The following CRPPA variants were observed in gnomAD, a reference collection of about 807,000 sequenced individuals.
The protein encoded by CRPPA is D-ribitol-5-phosphate cytidylyltransferase.
A neutral mutation model predicts 52.0 loss-of-function variants in CRPPA; 43 were observed. That is an observed-to-expected ratio of 0.83 (90% CI 0.65 to 1.07). The LOEUF (loss-of-function observed/expected upper bound fraction) is 1.07. Ranked by LOEUF, CRPPA falls within the 50% of genes least tolerant of loss-of-function variation. CRPPA has a pLI of 0.00. For synonymous variants in CRPPA, 250 were observed against 203.5 expected (o/e 1.23, Z -1.94); for missense variants, 629 against 551.7 (o/e 1.14, Z -1.40).
intron 8 of CRPPA, among the ~76,000 whole-genome samples, chr7:16,222,727 A>T (rs996330125): frequency 6.6e-6 from 1 of 152,146 alleles, no homozygotes; most frequent in Non-Finnish European, 1.5e-5. Context: ...TTAAACTAAG[A>T]GGGCTTTTAT....
intron 9 of CRPPA, among the ~76,000 whole-genome samples, chr7:16,141,129 C>A (rs1285130818): frequency 2.0e-5 from 3 of 152,104 alleles, no homozygotes; most frequent in Non-Finnish European, 4.4e-5. Flanking sequence ...AGGCTGCCTC[C>A]TGTTTTTTAT....
chr7:16,388,538 G>C (rs988508775), intron 2 of CRPPA, among the ~76,000 whole-genome samples: 12 of 152,180 alleles, frequency 7.9e-5, no homozygotes, highest in African/African-American at 2.9e-4. Context: ...AAATAAATTA[G>C]AGAATAGAAA....
intron 6 of CRPPA, among the ~76,000 whole-genome samples, chr7:16,260,335 T>C (rs182613262): frequency 7.9e-5 from 12 of 152,010 alleles, no homozygotes; most frequent in African/African-American, 2.7e-4. Context: ...TTACTTGGCA[T>C]TCCAGAGTTA....
intron 9 of CRPPA, among the ~76,000 whole-genome samples, chr7:16,180,035 T>C (rs1485720544): frequency 1.3e-5 from 2 of 152,162 alleles, no homozygotes; most frequent in Non-Finnish European, 2.9e-5. Flanking sequence ...GCTAGGTTTG[T>C]TAGAACTCTA....
chr7:16,248,850 A>G (rs1783354165), intron 8 of CRPPA, among the ~76,000 whole-genome samples: 1 of 151,936 alleles, frequency 6.6e-6, no homozygotes, highest in Non-Finnish European at 1.5e-5. Context: ...GGAACAGTAT[A>G]CTCTTGCCCA....
rs185793287 is a variant in CRPPA, at chr7:16,275,566, T to A, written c.933+2563A>T. Among the ~76,000 whole-genome samples the A allele has an allele frequency of 2.0e-3, 301 of 152,184 alleles. 3 individuals are homozygous for A. The highest frequency in any genetic ancestry group is 1.1e-3 in the Non-Finnish European group (77 of 67,984). ...ACAATAGGGCTAGGTGCAATGGTCA[T>A]GCCTGTATTTCCGCCCTTTGGGAGG... is the stretch of plus-strand genomic sequence containing the variant. On this transcript the variant is annotated intron_variant, in intron 6 of 9. Transcript: ENST00000407010.
rs764839805 is a variant in CRPPA, at chr7:16,089,215, CAT to C, written c.*2478_*2479del. ...ATGTGTGTATATACGTACGTATATA[CAT>C]ATATGTGTGTATGCGTACGTATATA... On this transcript the variant is annotated 3_prime_UTR_variant, in exon 10 of 10. Transcript: ENST00000407010. 73 of 362,016 alleles carry C rather than the reference CAT, an allele frequency of 2.0e-4. No homozygotes were observed. Among genetic ancestry groups the C allele is most frequent in the Admixed American group, 2.0e-4 (8 of 40,260 alleles). The allele number at this position is 362,016 out of a possible 1,614,324, so 22.4% of individuals were successfully genotyped here. A position where few individuals can be genotyped will look rare whatever the true frequency, so the allele number is the denominator to read the frequency against.
Position 16,334,096 on chromosome 7 carries a change from A to T in CRPPA, c.685-25469T>A, listed in dbSNP as rs539544298. 3.9e-5 allele frequency among the ~76,000 whole-genome samples: 6 copies of T among 152,256 alleles called. No individual in the cohort carries two copies. In the South Asian group the frequency reaches 1.0e-3, roughly 26 times the overall value. ...AAATGGGGTTGAGGGCCACCAACTCATGGATCTTGGTGGTTGCTCTACATT... is the reference window on the plus strand; with the variant it reads ...AAATGGGGTTGAGGGCCACCAACTCTTGGATCTTGGTGGTTGCTCTACATT... On this transcript the variant is annotated intron_variant, in intron 3 of 9. Coordinates refer to ENST00000407010, the MANE Select transcript of CRPPA (RefSeq NM_001101426.4).
chr7:16,383,183 T>G (rs1231742939), intron 2 of CRPPA, among the ~76,000 whole-genome samples: 1 of 152,212 alleles, frequency 6.6e-6, no homozygotes, highest in African/African-American at 2.4e-5. Context: ...GTGGATGTCC[T>G]TTCTGTTTCT....
intron 2 of CRPPA, among the ~76,000 whole-genome samples, chr7:16,389,443 C>T (rs748258498): frequency 6.6e-6 from 1 of 150,960 alleles, no homozygotes; most frequent in Non-Finnish European, 1.5e-5. Flanking sequence ...AATACCAGAT[C>T]GGTTCAACAT....
intron 1 of CRPPA, among the ~76,000 whole-genome samples, chr7:16,412,587 T>G (rs2128319512): frequency 6.6e-6 from 1 of 152,232 alleles, no homozygotes; most frequent in East Asian, 1.9e-4. Context: ...ATTCACATTC[T>G]TTTCTAGTTA....
chr7:16,236,631 G>T (rs1782957642), intron 8 of CRPPA, among the ~76,000 whole-genome samples: 1 of 152,056 alleles, frequency 6.6e-6, no homozygotes, highest in African/African-American at 2.4e-5. Context: ...GGTGGCTACA[G>T]ATCTTAATCC....
chr7:16,297,313 T>C (rs868306558), intron 5 of CRPPA, among the ~76,000 whole-genome samples: 2 of 152,180 alleles, frequency 1.3e-5, no homozygotes, highest in Non-Finnish European at 1.5e-5. Flanking sequence ...AGTCTTGGTT[T>C]TAAATCTTGA....
chr7:16,359,313 G>T (rs1786383197), intron 3 of CRPPA, among the ~76,000 whole-genome samples: 1 of 152,052 alleles, frequency 6.6e-6, no homozygotes. Context: ...TTTCATTTCT[G>T]CCCCCTAAAT....
intron 2 of CRPPA, among the ~76,000 whole-genome samples, chr7:16,397,948 CA>C (rs1243679466): frequency 2.0e-5 from 3 of 152,210 alleles, no homozygotes; most frequent in Admixed American, 6.5e-5. Flanking sequence ...ACGTGATTGA[CA>C]CGTTTGACAT....
chr7:16,295,212 T>C (rs1784646705), intron 5 of CRPPA, among the ~76,000 whole-genome samples: 1 of 152,114 alleles, frequency 6.6e-6, no homozygotes, highest in Non-Finnish European at 1.5e-5. Flanking sequence ...TGACAGTTGC[T>C]AAGTACTTAT....
In CRPPA at chr7:16,177,307, C is replaced by A. The variant is rs568096079; in HGVS notation, c.1251+38759G>T. 2.0e-5 allele frequency among the ~76,000 whole-genome samples: 3 copies of A among 151,424 alleles called. No homozygotes were observed. The South Asian group carries it at 6.3e-4, about 32-fold the overall frequency. Reference sequence around the variant, plus strand: ...AGATTATTATATGTGAGTTTTAAAACTAAAAAAAAGTATTACATATAAAAT... The same window carrying A: ...AGATTATTATATGTGAGTTTTAAAAATAAAAAAAAGTATTACATATAAAAT... On this transcript the variant is annotated intron_variant, in intron 9 of 9. Coordinates refer to ENST00000407010, the MANE Select transcript of CRPPA (RefSeq NM_001101426.4).
At chr7:16,215,871 A>G (rs912826919) in intron 9 of CRPPA, among the ~76,000 whole-genome samples, 195 bp downstream of exon 9, 7 of 152,208 alleles carry the variant, frequency 4.6e-5, no homozygotes, top group Admixed American at 1.3e-4. Flanking sequence ...CATTTCCCCA[A>G]TGCTAATAGT....
At chr7:16,168,106 T>C (rs945382996) in intron 9 of CRPPA, among the ~76,000 whole-genome samples, 1 of 152,228 alleles carries the variant, frequency 6.6e-6, no homozygotes, top group African/African-American at 2.4e-5. Context: ...CCAATCACTA[T>C]GTAATAACTT....
Sources: gnomAD v4.1 joint callset for allele counts (sites outside exome capture counted in the v4.1 genomes callset) on GRCh38, gnomAD v4.1.1 for gene constraint, MANE v1.5 for transcripts, NCBI Gene and HGNC (gene_info 2026-07-23, HGNC 2026-07-21) for gene names.